The following CACNA2D4 variants were observed in gnomAD, a reference collection of about 807,000 sequenced individuals.
The protein encoded by CACNA2D4 is calcium voltage-gated channel auxiliary subunit alpha2delta 4.
In CACNA2D4, 157 loss-of-function variants were observed where a neutral mutation model predicts 163.8. The ratio of observed to expected loss-of-function variants is 0.96; its 90% confidence interval spans 0.84 to 1.09. CACNA2D4 has a LOEUF of 1.09. CACNA2D4 is among the 50% of genes least tolerant of loss of function. The pLI is 0.00. For synonymous variants in CACNA2D4, 598 were observed against 586.9 expected (o/e 1.02, Z -0.27); for missense variants, 1,410 against 1,479.9 (o/e 0.95, Z 0.78).
At chr12:1,830,597 G>C (rs1377886291) in intron 26 of CACNA2D4, among the ~76,000 whole-genome samples, 1 of 152,164 alleles carries the variant, frequency 6.6e-6, no homozygotes, top group Non-Finnish European at 1.5e-5. Context: ...AGATGACTGT[G>C]GGAGGCCCTG....
At position 1,829,581 on chromosome 12, in the gene CACNA2D4, G is replaced by C. The variant is rs1392489640; in HGVS notation, c.2551+11158C>G. ...AGCTGTCATCGATCCTCCAGGCAGG[G>C]AAGGGGAGAGTCTCATCCTGTTCCT... On this transcript the variant is annotated intron_variant, in intron 26 of 37. Coordinates refer to ENST00000382722, the MANE Select transcript of CACNA2D4 (RefSeq NM_172364.5). The surrounding 1 kb of genome is among the most constrained non-coding windows in gnomAD (Gnocchi z 4.2). Among the ~76,000 whole-genome samples the C allele has an allele frequency of 6.6e-6, 1 of 152,068 alleles. No individual in the cohort carries two copies. Among genetic ancestry groups the C allele is most frequent in the Non-Finnish European group, 1.5e-5 (1 of 68,010 alleles).
chr12:1,884,682 G>T, intron 11 of CACNA2D4, 86 bp downstream of exon 11: 1 of 837,914 alleles, frequency 1.2e-6, no homozygotes, highest in Non-Finnish European at 2.0e-6. Flanking sequence ...TTGAATGGGG[G>T]CCATCCTTCT....
intron 31 of CACNA2D4, 158 bp downstream of exon 31, chr12:1,800,884 TG>T: frequency 1.5e-6 from 1 of 658,858 alleles, no homozygotes; most frequent in East Asian, 2.7e-5. Flanking sequence ...GGAGTGGGAC[TG>T]AGAGCAGTGG....
At chr12:1,830,272 C>T (rs1183954891) in intron 26 of CACNA2D4, among the ~76,000 whole-genome samples, 1 of 152,252 alleles carries the variant, frequency 6.6e-6, no homozygotes, top group East Asian at 1.9e-4. Flanking sequence ...GGTGCACAGC[C>T]TGGGCTCTAA....
rs2154445178 is a variant in CACNA2D4, at chr12:1,798,731, A to G, written c.2995+944T>C. 6.6e-6 allele frequency among the ~76,000 whole-genome samples: 1 copy of G among 152,272 alleles called. No homozygotes were observed. Among genetic ancestry groups the G allele is most frequent in the South Asian group, 2.1e-4 (1 of 4,826 alleles). On this transcript the variant is annotated intron_variant, in intron 34 of 37. Coordinates refer to ENST00000382722, the MANE Select transcript of CACNA2D4 (RefSeq NM_172364.5). This position sits in a 1 kb window ranked among gnomAD's most constrained non-coding sequence, Gnocchi z 4.3. ...GGGGACAGGTACCCCAGAGAAGAGAAATTCTGAGCAGGCAGATTGAGGGGG... is the reference window on the plus strand; with the variant it reads ...GGGGACAGGTACCCCAGAGAAGAGAGATTCTGAGCAGGCAGATTGAGGGGG...
rs1349816852 is a variant in CACNA2D4, at chr12:1,798,510, C to A, written c.2996-975G>T. ...CTCACCGAGAGGAGCAAGCCCACAG[C>A]GGCCAGGGCTGTGAGTTTTGTCCCC... On this transcript the variant is annotated intron_variant, in intron 34 of 37. Coordinates refer to ENST00000382722, the MANE Select transcript of CACNA2D4 (RefSeq NM_172364.5). This position sits in a 1 kb window ranked among gnomAD's most constrained non-coding sequence, Gnocchi z 4.3. 6.6e-6 allele frequency among the ~76,000 whole-genome samples: 1 copy of A among 152,058 alleles called. No homozygotes were observed. Among genetic ancestry groups the A allele is most frequent in the African/African-American group, 2.4e-5 (1 of 41,400 alleles).
Position 1,801,025 on chromosome 12 carries a change from G to A in CACNA2D4, c.2868+18C>T. 6.2e-7 allele frequency: 1 copy of A among 1,611,470 alleles called. No individual in the cohort carries two copies. Among genetic ancestry groups the A allele is most frequent in the Non-Finnish European group, 8.5e-7 (1 of 1,178,876 alleles). On this transcript the variant is annotated intron_variant, in intron 31 of 37. Coordinates refer to ENST00000382722, the MANE Select transcript of CACNA2D4 (RefSeq NM_172364.5). ...CTGGCTGGCTGGCTGGCAGAGGGAA[G>A]GGCTGGGTGACACTCACGCTGACCA...
chr12:1,865,885 C>G (rs1865642301), intron 18 of CACNA2D4, among the ~76,000 whole-genome samples: 1 of 152,250 alleles, frequency 6.6e-6, no homozygotes, highest in South Asian at 2.1e-4. Context: ...ACTTGCTAAA[C>G]TTACCTATTA....
At position 1,799,939 on chromosome 12, in the gene CACNA2D4, C is replaced by T. The variant is rs367851691; in HGVS notation, c.2974+61G>A. ...ACCCACCCCACAGGGAATGGTCTCA[C>T]GTTAGTGGACCAAAATGCCACTGCT... is the stretch of plus-strand genomic sequence containing the variant. On this transcript the variant is annotated intron_variant, in intron 33 of 37. Coordinates refer to ENST00000382722, the MANE Select transcript of CACNA2D4 (RefSeq NM_172364.5). The surrounding 1 kb of genome is among the most constrained non-coding windows in gnomAD (Gnocchi z 4.7). The T allele has an allele frequency of 9.2e-5, 141 of 1,527,308 alleles. No individual in the cohort carries two copies. In the Middle Eastern group the frequency reaches 1.0e-3, roughly 11 times the overall value. 94.6% of individuals were successfully genotyped at this position (1,527,308 alleles called of 1,614,324 possible). A position where few individuals can be genotyped will look rare whatever the true frequency, so the allele number is the denominator to read the frequency against.
At chr12:1,887,142 C>T in intron 6 of CACNA2D4, 73 bp from the exon 7 acceptor site, 1 of 1,020,820 alleles carries the variant, frequency 9.8e-7, no homozygotes, top group East Asian at 2.6e-5. Flanking sequence ...GGTGTGGACC[C>T]CCAAGATGGC....
At chr12:1,898,926 G>A (rs142122799) in intron 6 of CACNA2D4, among the ~76,000 whole-genome samples, 105 of 152,138 alleles carry the variant, frequency 6.9e-4, no homozygotes, top group Middle Eastern at 3.4e-3. Context: ...GAGGCTGGGG[G>A]GAGAAGAGAA....
chr12:1,851,559 A>C (rs1865279195), intron 23 of CACNA2D4, among the ~76,000 whole-genome samples: 1 of 151,744 alleles, frequency 6.6e-6, no homozygotes. Flanking sequence ...TTCTTGTGCC[A>C]ATACCATACT....
chr12:1,795,067 TAAC>T lies in CACNA2D4; in HGVS notation c.3309+229_3309+231del, dbSNP rs577422622. On this transcript the variant is annotated intron_variant, in intron 37 of 37. Coordinates refer to ENST00000382722, the MANE Select transcript of CACNA2D4 (RefSeq NM_172364.5). ...TGCACCTATCACCCTAATCAGGAAATAACAAGCGTTTTAGGAGCTTGCCAGGAA... is the reference window on the plus strand; with the variant it reads ...TGCACCTATCACCCTAATCAGGAAATAAGCGTTTTAGGAGCTTGCCAGGAA... The T allele has an allele frequency of 1.9e-4, 111 of 584,468 alleles. 1 individual carries two copies. Among genetic ancestry groups the T allele is most frequent in the South Asian group, 1.6e-3 (74 of 45,912 alleles). 36.2% of individuals were successfully genotyped at this position (584,468 alleles called of 1,614,324 possible).
In CACNA2D4 at chr12:1,874,313, C is replaced by T. The variant is rs1266930466; in HGVS notation, c.1878+291G>A. The stretch of plus-strand genomic sequence containing the variant: ...TTATAAACAACAAAAGGGCCAGTAG[C>T]AGGCAGCATAAGGAGGAAAGAAGAG... On this transcript the variant is annotated intron_variant, in intron 18 of 37. Coordinates refer to ENST00000382722, the MANE Select transcript of CACNA2D4 (RefSeq NM_172364.5). The surrounding 1 kb of genome is among the most constrained non-coding windows in gnomAD (Gnocchi z 4.4). Among the ~76,000 whole-genome samples the T allele has an allele frequency of 6.6e-6, 1 of 152,220 alleles. No homozygotes were observed. The highest frequency in any genetic ancestry group is 1.5e-5 in the Non-Finnish European group (1 of 68,038).
chr12:1,914,829 G>T lies in CACNA2D4; in HGVS notation c.309+25C>A, dbSNP rs1269842607. ...GCTGACTGCCCTCTGCCACCCGGTG[G>T]GCTCTCTGGAAGGGGGTGACTGACC... On this transcript the variant is annotated intron_variant, in intron 2 of 37. Transcript: ENST00000382722. 5.1e-6 allele frequency: 8 copies of T among 1,568,842 alleles called. No individual in the cohort carries two copies. The African/African-American group carries it at 9.5e-5, about 19-fold the overall frequency.
At chr12:1,907,787 CCTGGTGGGTGTGCCTGGTGGGCGTGT>C (rs1329719806) in intron 5 of CACNA2D4, 62 bp downstream of exon 5, 9 of 1,421,514 alleles carry the variant, frequency 6.3e-6, no homozygotes, top group East Asian at 4.8e-5. Flanking sequence ...GGTGAGTATG[CCTGGTGGGTGTGCCTGGTGGGCGTGT>C]CTGGTGGGTG....
chr12:1,913,923 G>A (rs897436119), intron 2 of CACNA2D4, among the ~76,000 whole-genome samples: 24 of 152,208 alleles, frequency 1.6e-4, no homozygotes, highest in East Asian at 1.9e-4. Flanking sequence ...TACCCCAAAC[G>A]GCCACATCCG....
chr12:1,897,579 C>A (rs1866437496), intron 6 of CACNA2D4, among the ~76,000 whole-genome samples: 1 of 152,104 alleles, frequency 6.6e-6, no homozygotes, highest in Non-Finnish European at 1.5e-5. Context: ...TGTAAATATG[C>A]TTAACTTGCT....
At position 1,869,993 on chromosome 12, in the gene CACNA2D4, T is replaced by C. The variant is rs1036702733; in HGVS notation, c.1878+4611A>G. Among the ~76,000 whole-genome samples, 1 of 152,234 alleles carries C rather than the reference T, an allele frequency of 6.6e-6. No individual in the cohort carries two copies. The highest frequency in any genetic ancestry group is 2.4e-5 in the African/African-American group (1 of 41,464). On this transcript the variant is annotated intron_variant, in intron 18 of 37. Transcript: ENST00000382722. This position sits in a 1 kb window ranked among gnomAD's most constrained non-coding sequence, Gnocchi z 4.7. The stretch of plus-strand genomic sequence containing the variant: ...AAGCAGTAGTTAAATGATGGGTTGA[T>C]AAGAACTGAGCATATAGAGGCTTGA...
Sources: gnomAD v4.1 joint callset for allele counts (sites outside exome capture counted in the v4.1 genomes callset) on GRCh38, gnomAD v4.1.1 for gene constraint, Gnocchi (gnomAD v3.1) non-coding constraint, MANE v1.5 for transcripts, NCBI Gene and HGNC (gene_info 2026-07-23, HGNC 2026-07-21) for gene names.